The following KANK1 variants were observed in gnomAD, a reference collection of about 807,000 sequenced individuals.
KANK1 encodes KN motif and ankyrin repeat domain-containing protein 1.
In KANK1, 109 loss-of-function variants were observed where a neutral mutation model predicts 106.2. That is an observed-to-expected ratio of 1.03 (90% confidence interval 0.88 to 1.20). The LOEUF is 1.20. KANK1 is among the 50% of genes most tolerant of loss of function. KANK1 has a pLI of 0.00. For synonymous variants in KANK1, 873 were observed against 652.2 expected (o/e 1.34, Z -5.16); for missense variants, 2,399 against 1,710.7 (o/e 1.40, Z -7.10).
chr9:607,145 T>A (rs529264608), intron 1 of KANK1, among the ~76,000 whole-genome samples: 2 of 151,866 alleles, frequency 1.3e-5, no homozygotes, highest in African/African-American at 4.9e-5. Context: ...TGTTAGGTCA[T>A]TCAGAGTGGC....
intron 1 of KANK1, among the ~76,000 whole-genome samples, chr9:632,343 G>T (rs1835938179): frequency 3.3e-5 from 5 of 151,970 alleles, no homozygotes; most frequent in Admixed American, 1.3e-4. Flanking sequence ...TTTACCTTAG[G>T]GCTCTAAGAG....
intron 4 of KANK1, 28 bp downstream of exon 4, chr9:730,276 C>T (rs1831849785): frequency 1.4e-5 from 22 of 1,605,196 alleles, no homozygotes; most frequent in Non-Finnish European, 1.9e-5. Flanking sequence ...CAGTCATTGG[C>T]ATCAGGATTC....
chr9:508,786 TAGGTTTG>T (rs957133794), intron 1 of KANK1, among the ~76,000 whole-genome samples: 4 of 146,320 alleles, frequency 2.7e-5, no homozygotes, highest in African/African-American at 1.1e-4. Flanking sequence ...TATCAATTTT[TAGGTTTG>T]AGGGGCATTT....
At chr9:492,722 CTTATTG>C (rs1013616244) in intron 3 of KANK1, among the ~76,000 whole-genome samples, 12 of 151,802 alleles carry the variant, frequency 7.9e-5, no homozygotes, top group Non-Finnish European at 1.5e-4. Flanking sequence ...GAAAAAATAT[CTTATTG>C]TTATTAATAG....
At chr9:516,313 T>G (rs546527422) in intron 1 of KANK1, among the ~76,000 whole-genome samples, 1 of 151,818 alleles carries the variant, frequency 6.6e-6, no homozygotes, top group East Asian at 1.9e-4. Context: ...GAGGAAAGTT[T>G]GCTGAATTCC....
rs537872409 is a variant in KANK1, at chr9:579,392, C to G, written c.-84+74638C>G. On this transcript the variant is annotated intron_variant, in intron 1 of 11. Transcript: ENST00000382297. ...AAAATCCAGGATCTTCAGAGAAAAC[C>G]TAAGAATCAAAAATAGAAAAGCACA... Among the ~76,000 whole-genome samples, 3 of 152,216 alleles carry G rather than the reference C, an allele frequency of 2.0e-5. No homozygotes were observed. In the East Asian group the frequency reaches 5.8e-4, roughly 29 times the overall value.
chr9:544,194 T>A (rs2060786874), intron 1 of KANK1, among the ~76,000 whole-genome samples: 1 of 151,996 alleles, frequency 6.6e-6, no homozygotes, highest in Non-Finnish European at 1.5e-5. Context: ...CTAATTTTTT[T>A]ATTTTTTGTA....
chr9:631,404 T>C (rs1362159142), intron 1 of KANK1, among the ~76,000 whole-genome samples: 1 of 152,124 alleles, frequency 6.6e-6, no homozygotes, highest in Non-Finnish European at 1.5e-5. Context: ...ACTTCTCCTT[T>C]CATCTCCTTG....
chr9:577,022 T>C (rs1307432643), intron 1 of KANK1, among the ~76,000 whole-genome samples: 1 of 152,158 alleles, frequency 6.6e-6, no homozygotes, highest in Non-Finnish European at 1.5e-5. Flanking sequence ...TTCCTTCCAG[T>C]GGGTTCATGG....
At chr9:524,372 T>TA (rs1774299035) in intron 1 of KANK1, among the ~76,000 whole-genome samples, 1 of 151,264 alleles carries the variant, frequency 6.6e-6, no homozygotes, top group Admixed American at 6.6e-5. Flanking sequence ...TTGGAGTGTA[T>TA]GTGTATAAGA....
intron 3 of KANK1, among the ~76,000 whole-genome samples, chr9:494,444 C>T (rs989068533): frequency 2.0e-5 from 3 of 152,174 alleles, no homozygotes; most frequent in South Asian, 2.1e-4. Context: ...TGTGTAACCA[C>T]GCTACCTCCA....
At chr9:655,029 C>G (rs1483449785) in intron 1 of KANK1, among the ~76,000 whole-genome samples, 1 of 152,082 alleles carries the variant, frequency 6.6e-6, no homozygotes, top group Non-Finnish European at 1.5e-5. Flanking sequence ...GGTCTCACCC[C>G]CAGAGATTAG....
intron 1 of KANK1, among the ~76,000 whole-genome samples, chr9:645,511 A>T (rs1204787454): frequency 6.6e-6 from 1 of 150,434 alleles, no homozygotes; most frequent in East Asian, 1.9e-4. Context: ...TTTTTAAGAA[A>T]TGAAATCCCT....
chr9:595,737 G>T (rs981215089), intron 1 of KANK1, among the ~76,000 whole-genome samples: 2 of 151,660 alleles, frequency 1.3e-5, no homozygotes, highest in African/African-American at 4.9e-5. Context: ...GCCCAGGTTG[G>T]TCTCAAACTC....
At chr9:614,734 A>G (rs1200112516) in intron 1 of KANK1, among the ~76,000 whole-genome samples, 1 of 152,078 alleles carries the variant, frequency 6.6e-6, no homozygotes, top group Admixed American at 6.5e-5. Flanking sequence ...GCTGGGCTAG[A>G]GATTTTGGTG....
At chr9:653,441 G>T (rs956608602) in intron 1 of KANK1, among the ~76,000 whole-genome samples, 3 of 152,060 alleles carry the variant, frequency 2.0e-5, no homozygotes, top group African/African-American at 7.2e-5. Flanking sequence ...TATAAGAGAA[G>T]ATTAAATTAA....
At chr9:482,556 A>G (rs909283163) in intron 3 of KANK1, among the ~76,000 whole-genome samples, 1 of 152,224 alleles carries the variant, frequency 6.6e-6, no homozygotes, top group Non-Finnish European at 1.5e-5. Context: ...TAACACATGC[A>G]AAGTCATACA....
At position 523,987 on chromosome 9, in the gene KANK1, C is replaced by T. The variant is rs34938674; in HGVS notation, c.-84+19233C>T. Among the ~76,000 whole-genome samples the T allele has an allele frequency of 5.3e-5, 8 of 151,612 alleles. 1 individual carries two copies. Among genetic ancestry groups the T allele is most frequent in the Non-Finnish European group, 7.4e-5 (5 of 68,024 alleles). On this transcript the variant is annotated intron_variant, in intron 1 of 11. Coordinates refer to ENST00000382297, the MANE Select transcript of KANK1 (RefSeq NM_015158.5). Reference sequence around the variant, plus strand: ...CAAGCTCCTAGAACGGAACTGGAAACGCAGAAGACACTTAAATAGGTATTT... The same window carrying T: ...CAAGCTCCTAGAACGGAACTGGAAATGCAGAAGACACTTAAATAGGTATTT...
At chr9:699,297 G>A (rs1299124250) in intron 2 of KANK1, among the ~76,000 whole-genome samples, 3 of 152,194 alleles carry the variant, frequency 2.0e-5, no homozygotes, top group Non-Finnish European at 4.4e-5. Context: ...CAGGCTCTGT[G>A]TCTGTTTTGC....
Sources: gnomAD v4.1 joint callset for allele counts (sites outside exome capture counted in the v4.1 genomes callset) on GRCh38, gnomAD v4.1.1 for gene constraint, MANE v1.5 for transcripts, NCBI Gene and HGNC (gene_info 2026-07-23, HGNC 2026-07-21) for gene names.